RPL12: variants seen among roughly 807,000 people sequenced by gnomAD.
The protein encoded by RPL12 is large ribosomal subunit protein uL11.
In RPL12, 10 loss-of-function variants were observed where a neutral mutation model predicts 24.5. The observed-to-expected ratio is 0.41, with a 90% CI of 0.25 to 0.69. The LOEUF (loss-of-function observed/expected upper bound fraction) is 0.69. Ranked by LOEUF, RPL12 falls within the 30% of genes least tolerant of loss-of-function variation. RPL12 has a pLI of 0.33. For synonymous variants in RPL12, 74 were observed against 76.1 expected (o/e 0.97, Z 0.14); for missense variants, 137 against 205.3 (o/e 0.67, Z 2.03).
intron 2 of RPL12, chr9:127,450,113 C>G (rs776945907): frequency 1.5e-5 from 3 of 197,192 alleles, no homozygotes; most frequent in Non-Finnish European, 3.2e-5. Flanking sequence ...CAACAGGAGG[C>G]TAAGTGTCCC....
intron 5 of RPL12, 131 bp from the exon 6 acceptor site, chr9:127,448,120 T>TATA: frequency 8.3e-7 from 1 of 1,198,868 alleles, no homozygotes; most frequent in Admixed American, 2.6e-5. Context: ...TAATATAGAA[T>TATA]ATAGAGTTCC....
intron 4 of RPL12, chr9:127,448,669 G>A (rs1834216102): frequency 1.4e-6 from 1 of 709,364 alleles, no homozygotes; most frequent in Non-Finnish European, 2.6e-6. Flanking sequence ...AATCTGACAT[G>A]GCAGAAACTG....
chr9:127,451,403 G>A lies in RPL12; in HGVS notation c.-86C>T, dbSNP rs549266769. On this transcript the variant is annotated 5_prime_UTR_variant, in exon 1 of 7. Coordinates refer to ENST00000361436, the MANE Select transcript of RPL12 (RefSeq NM_000976.4). The stretch of plus-strand genomic sequence containing the variant: ...TGGCCTCCTCCGAGCCGAAAGCCGA[G>A]AGGCCGGAAATCGCGCGGACAAGCC... The A allele has an allele frequency of 3.4e-5, 54 of 1,569,074 alleles. No individual in the cohort carries two copies. The highest frequency in any genetic ancestry group is 2.3e-4 in the Middle Eastern group (1 of 4,312).
At chr9:127,448,613 G>A in intron 4 of RPL12, 190 bp from the exon 5 acceptor site, 1 of 756,430 alleles carries the variant, frequency 1.3e-6, no homozygotes, top group African/African-American at 1.7e-5. Flanking sequence ...CAGAGACCTG[G>A]TCAGGTGCAG....
intron 3 of RPL12, 23 bp downstream of exon 3, chr9:127,449,587 C>T (rs533660381): frequency 1.2e-5 from 20 of 1,608,018 alleles, no homozygotes; most frequent in African/African-American, 5.3e-5. Flanking sequence ...CCTCCTCTCC[C>T]GAAACCAAGC....
intron 6 of RPL12, 37 bp downstream of exon 6, chr9:127,447,840 C>A: frequency 6.2e-7 from 1 of 1,610,618 alleles, no homozygotes; most frequent in Non-Finnish European, 8.5e-7. Context: ...GGTGGCCCCC[C>A]TTTCACCCCT....
intron 2 of RPL12, chr9:127,449,989 AAGG>A (rs1429690406): frequency 1.7e-5 from 6 of 362,260 alleles, no homozygotes; most frequent in African/African-American, 1.2e-4. Context: ...AGAATCACCT[AAGG>A]AGCTTTCAAA....
In RPL12 at chr9:127,451,337, G is replaced by C. The variant is rs11542431; in HGVS notation, c.-20C>G. ...CGGCATGGTGGAGGCGGCTGGTGTC[G>C]GATGAACCCGGATTCGGGACGACCG... On this transcript the variant is annotated 5_prime_UTR_variant, in exon 1 of 7. Transcript: ENST00000361436. The C allele has an allele frequency of 5.0e-6, 8 of 1,611,564 alleles. No homozygotes were observed. The highest frequency in any genetic ancestry group is 1.7e-5 in the Admixed American group (1 of 59,986).
chr9:127,450,824 AGT>A lies in RPL12; in HGVS notation c.38-22_38-21del. 6.5e-7 allele frequency: 1 copy of A among 1,540,280 alleles called. No individual in the cohort carries two copies. The highest frequency in any genetic ancestry group is 8.8e-7 in the Non-Finnish European group (1 of 1,139,398). ...GGTATACTGGGGGAAAAGAAGAGTTAGTGTCTGTGCAGAGGGAGCCCCGAGCC... is the reference window on the plus strand; with the variant it reads ...GGTATACTGGGGGAAAAGAAGAGTTAGTCTGTGCAGAGGGAGCCCCGAGCC... On this transcript the variant is annotated intron_variant, in intron 1 of 6. Coordinates refer to ENST00000361436, the MANE Select transcript of RPL12 (RefSeq NM_000976.4).
chr9:127,449,727 A>G lies in RPL12; in HGVS notation c.112-19T>C. 6.3e-7 allele frequency: 1 copy of G among 1,589,808 alleles called. No homozygotes were observed. The highest frequency in any genetic ancestry group is 8.6e-7 in the Non-Finnish European group (1 of 1,161,414). On this transcript the variant is annotated intron_variant, in intron 2 of 6. Transcript: ENST00000361436. ...TTGGAGACTAGAAATAAAGGCATGT[A>G]ATCAACATGGTGTCCAGAGGTGAAC...
chr9:127,448,548 CCT>C (rs753556208), intron 4 of RPL12, 125 bp from the exon 5 acceptor site: 10 of 785,658 alleles, frequency 1.3e-5, no homozygotes, highest in South Asian at 9.4e-5. Flanking sequence ...GAAGAACAAC[CCT>C]GTTTCCTAAG....
intron 4 of RPL12, 74 bp downstream of exon 4, chr9:127,449,207 G>A: frequency 2.4e-6 from 3 of 1,271,052 alleles, no homozygotes; most frequent in Middle Eastern, 2.7e-4. Context: ...TTTCCTTTAA[G>A]GGAAAACACA....
In RPL12 at chr9:127,448,016, G is replaced by A. The variant is rs574643582; in HGVS notation, c.380-27C>T. 73 of 1,586,820 alleles carry A rather than the reference G, an allele frequency of 4.6e-5. No homozygotes were observed. The South Asian group carries it at 8.4e-4, about 18-fold the overall frequency. On this transcript the variant is annotated intron_variant, in intron 5 of 6. Coordinates refer to ENST00000361436, the MANE Select transcript of RPL12 (RefSeq NM_000976.4). ...TTTAAGTAAAGAAATGGTGGCATTGGAGGTGCTGGCTCAGTCCCTCACAAT... is the reference window on the plus strand; with the variant it reads ...TTTAAGTAAAGAAATGGTGGCATTGAAGGTGCTGGCTCAGTCCCTCACAAT...
chr9:127,449,210 A>G, intron 4 of RPL12, 71 bp downstream of exon 4: 1 of 1,312,914 alleles, frequency 7.6e-7, no homozygotes, highest in Admixed American at 1.9e-5. Flanking sequence ...CCTTTAAGGG[A>G]AAACACAGCC....
At chr9:127,448,733 G>A in intron 4 of RPL12, 3 of 525,606 alleles carry the variant, frequency 5.7e-6, no homozygotes, top group East Asian at 8.2e-5. Context: ...CCCAGTACCT[G>A]CCACCTGTAT....
intron 3 of RPL12, 119 bp downstream of exon 3, chr9:127,449,491 C>G (rs1834230818): frequency 1.5e-6 from 2 of 1,297,924 alleles, no homozygotes; most frequent in Middle Eastern, 1.8e-4. Flanking sequence ...CAAAGCCTCC[C>G]CAACAAGGTG....
intron 4 of RPL12, 105 bp downstream of exon 4, chr9:127,449,176 A>G: frequency 1.1e-6 from 1 of 878,406 alleles, no homozygotes; most frequent in Non-Finnish European, 1.8e-6. Flanking sequence ...ATCAACACCC[A>G]ATACCCATGT....
At chr9:127,449,190 C>A in intron 4 of RPL12, 91 bp downstream of exon 4, 1 of 1,061,720 alleles carries the variant, frequency 9.4e-7, no homozygotes, top group Non-Finnish European at 1.4e-6. Context: ...CCCATGTCAA[C>A]CCCAGGTTTC....
At position 127,447,973 on chromosome 9, in the gene RPL12, G is replaced by A; in HGVS notation, c.396C>T (p.Ile132=). The A allele has an allele frequency of 1.2e-6, 2 of 1,611,228 alleles. No homozygotes were observed. Among genetic ancestry groups the A allele is most frequent in the South Asian group, 2.2e-5 (2 of 90,424 alleles). The change falls in exon 6 of 7, where the codon ATC becomes ATT. Residue 132 remains isoleucine, a synonymous_variant. Coordinates refer to ENST00000361436, the MANE Select transcript of RPL12 (RefSeq NM_000976.4). ...ARELSGTIKE[I]LGTAQSVGCN... Reference sequence around the variant, plus strand: ...AGCCCACTGACTGGGCAGTCCCCAGGATCTCTTTAATGGTTCCTTTAAGTA... The same window carrying A: ...AGCCCACTGACTGGGCAGTCCCCAGAATCTCTTTAATGGTTCCTTTAAGTA...
Sources: gnomAD v4.1 joint callset for allele counts on GRCh38, gnomAD v4.1.1 for gene constraint, MANE v1.5 for transcripts, NCBI Gene and HGNC (gene_info 2026-07-23, HGNC 2026-07-21) for gene names.